Variants in NOX1 observed in about 807,000 individuals in gnomAD.
NOX1 encodes the protein NADPH oxidase 1.
NOX1 carries 34 observed loss-of-function variants against 42.5 expected under a neutral mutation model. That is an observed-to-expected ratio of 0.80 (90% confidence interval 0.61 to 1.07). The LOEUF (loss-of-function observed/expected upper bound fraction) is 1.07. NOX1 is among the 50% of genes least tolerant of loss of function. The pLI, the probability that NOX1 is intolerant of heterozygous loss-of-function variation, is 0.00. For missense variants in NOX1, 408 were observed against 427.0 expected (o/e 0.96, Z 0.39); for synonymous variants, 143 against 152.5 (o/e 0.94, Z 0.46).
intron 2 of NOX1, among the ~76,000 whole-genome samples, chrX:100,868,585 T>C (rs1285820676): frequency 1.8e-5 from 2 of 111,101 alleles, no homozygotes; most frequent in South Asian, 3.9e-4. Flanking sequence ...ACCTGAGCCC[T>C]CCTTTCTGCA....
rs966320470 is a variant in NOX1 at position 100,850,401 on chromosome X, C to T, written c.898-15G>A. ...TGCATAACAACCTGTGAATGAAGCA[C>T]ATAGACCAAAGAAAGCAAACTCTAA... is the stretch of plus-strand genomic sequence containing the variant. On this transcript the variant is annotated splice_polypyrimidine_tract_variant and intron_variant, in intron 8 of 12. Transcript: ENST00000372966. 9 of 1,085,087 alleles carry T rather than the reference C, an allele frequency of 8.3e-6. No individual in the cohort carries two copies. Among genetic ancestry groups the T allele is most frequent in the Non-Finnish European group, 1.1e-5 (9 of 804,855 alleles). 89.4% of individuals were successfully genotyped at this position (1,085,087 alleles called of 1,213,427 possible).
chrX:100,863,495 C>A lies in NOX1; in HGVS notation c.242G>T (p.Gly81Val). The A allele has an allele frequency of 2.5e-6, 3 of 1,210,273 alleles. No individual in the cohort carries two copies. Among genetic ancestry groups the A allele is most frequent in the Non-Finnish European group, 1.1e-6 (1 of 894,946 alleles). ...GTGGTTGGGACTCACTGAGCAGGTG[C>A]CCCTCAGGAAGGACAGCAGATTGCG... is the stretch of plus-strand genomic sequence containing the variant. ...VCRNLLSFLRGTCSFCSRTLR... is the reference protein window; with the variant it reads ...VCRNLLSFLRVTCSFCSRTLR... The change falls in exon 3 of 13, where the codon GGC becomes GTC. Residue 81 changes from glycine (G) to valine (V), a missense_variant. By Grantham distance (109) the Gly-to-Val change is moderately radical. Coordinates refer to ENST00000372966, the MANE Select transcript of NOX1 (RefSeq NM_007052.5).
At chrX:100,862,061 G>A in intron 7 of NOX1, 110 bp downstream of exon 7, 1 of 906,031 alleles carries the variant, frequency 1.1e-6, no homozygotes, top group South Asian at 2.6e-5. Context: ...ATAAGACCCA[G>A]CACAGGACTG....
intron 7 of NOX1, among the ~76,000 whole-genome samples, chrX:100,859,939 G>A (rs1290657645): frequency 9.1e-6 from 1 of 109,777 alleles, no homozygotes; most frequent in Non-Finnish European, 1.9e-5. Flanking sequence ...GGTAATATAT[G>A]TATATGGTAC....
At chrX:100,856,033 C>T (rs945247552) in intron 7 of NOX1, 14 of 1,101,118 alleles carry the variant, frequency 1.3e-5, no homozygotes, top group African/African-American at 7.2e-5. Flanking sequence ...GATGTTCTTC[C>T]GTGTCTTCTT....
chrX:100,847,486 G>A (rs1183572162), intron 12 of NOX1, among the ~76,000 whole-genome samples: 1 of 110,376 alleles, frequency 9.1e-6, no homozygotes, highest in Non-Finnish European at 1.9e-5. Flanking sequence ...TAACCAAGGC[G>A]GGGCTTGGTG....
At chrX:100,872,372 A>G (rs2085280433) in intron 1 of NOX1, among the ~76,000 whole-genome samples, 1 of 112,269 alleles carries the variant, frequency 8.9e-6, no homozygotes, top group Non-Finnish European at 1.9e-5. Flanking sequence ...ATGATGAAAT[A>G]CAGTGATATC....
chrX:100,858,526 G>A (rs1446203397), intron 7 of NOX1, among the ~76,000 whole-genome samples: 1 of 111,413 alleles, frequency 9.0e-6, no homozygotes, highest in African/African-American at 3.3e-5. Context: ...TTGGGCAGTA[G>A]GGCCATTTTA....
At chrX:100,853,292 T>TTCTTTCTCTCTCTTTC (rs2085134141) in intron 7 of NOX1, among the ~76,000 whole-genome samples, 13 of 65,906 alleles carry the variant, frequency 2.0e-4, no homozygotes, top group Non-Finnish European at 2.8e-4. Flanking sequence ...CTTTCTTTCT[T>TTCTTTCTCTCTCTTTC]TCTTTCTTTC....
chrX:100,851,352 G>C, intron 7 of NOX1, 27 bp from the exon 8 acceptor site: 2 of 873,898 alleles, frequency 2.3e-6, no homozygotes, highest in Non-Finnish European at 3.3e-6. Context: ...TTAAGAATGA[G>C]ATTACACACT....
At position 100,843,866 on chromosome X, in the gene NOX1, A is replaced by G; in HGVS notation, c.*86T>C. The G allele has an allele frequency of 1.2e-6, 1 of 831,940 alleles. No individual in the cohort carries two copies. Among genetic ancestry groups the G allele is most frequent in the East Asian group, 3.2e-5 (1 of 31,030 alleles). The allele number at this position is 831,940 out of a possible 1,213,427, so 68.6% of individuals were successfully genotyped here. A position where few individuals can be genotyped will look rare whatever the true frequency, so the allele number is the denominator to read the frequency against. Reference sequence around the variant, plus strand: ...CTTGAGAGGCACATTCTTATCCTAAAGTGACTGCTCAAACCTGACGAGACC... The same window carrying G: ...CTTGAGAGGCACATTCTTATCCTAAGGTGACTGCTCAAACCTGACGAGACC... On this transcript the variant is annotated 3_prime_UTR_variant, in exon 13 of 13. Coordinates refer to ENST00000372966, the MANE Select transcript of NOX1 (RefSeq NM_007052.5).
rs773471149 is a variant in NOX1, at chrX:100,848,756, T to A, written c.1444-2A>T. The A allele has an allele frequency of 1.7e-6, 2 of 1,210,082 alleles. No individual in the cohort carries two copies. The highest frequency in any genetic ancestry group is 2.2e-6 in the Non-Finnish European group (2 of 894,346). On this transcript the variant is annotated splice_acceptor_variant, in intron 11 of 12. Transcript: ENST00000372966. LOFTEE classifies it high-confidence loss of function. The stretch of plus-strand genomic sequence containing the variant: ...AAAGTTTAATGCTGCATGACCAACC[T>A]GGATTCAGAGGAATAAAAGTTAGAA...
At position 100,849,875 on chromosome X, in the gene NOX1, G is replaced by A. The variant is rs1259997206; in HGVS notation, c.1193C>T (p.Ala398Val). Residue 398 changes from alanine (A) to valine (V), a missense_variant, in exon 10 of 13, where the codon GCT becomes GTT. Transcript: ENST00000372966. ...CCCAATTCCTGCTCCAACCAGCACA[G>A]CCACTTCATACTGGAAAACATCCTC... ...ASEDVFQYEV[A>V]VLVGAGIGVT... The A allele has an allele frequency of 8.3e-7, 1 of 1,208,881 alleles. No individual in the cohort carries two copies. Among genetic ancestry groups the A allele is most frequent in the African/African-American group, 1.7e-5 (1 of 57,248 alleles).
In NOX1 at chrX:100,843,856, CTT is replaced by C; in HGVS notation, c.*94_*95del. ...GGAGTCAAGGCTTGAGAGGCACATT[CTT>C]ATCCTAAAGTGACTGCTCAAACCTG... On this transcript the variant is annotated 3_prime_UTR_variant, in exon 13 of 13. Transcript: ENST00000372966. 1.3e-6 allele frequency: 1 copy of C among 740,802 alleles called. No individual in the cohort carries two copies. The highest frequency in any genetic ancestry group is 2.0e-6 in the Non-Finnish European group (1 of 507,921). 61.1% of individuals were successfully genotyped at this position (740,802 alleles called of 1,213,427 possible).
At chrX:100,852,720 C>T (rs1331745957) in intron 7 of NOX1, among the ~76,000 whole-genome samples, 1 of 111,740 alleles carries the variant, frequency 8.9e-6, no homozygotes, top group East Asian at 2.8e-4. Flanking sequence ...ACAAATCAAA[C>T]AGAGTGAACA....
intron 12 of NOX1, among the ~76,000 whole-genome samples, chrX:100,848,373 C>T (rs1256042843): frequency 1.8e-5 from 2 of 111,251 alleles, no homozygotes; most frequent in Non-Finnish European, 3.8e-5. Flanking sequence ...TCATTGCAAC[C>T]TCTGCCTCCC....
intron 12 of NOX1, among the ~76,000 whole-genome samples, chrX:100,847,918 C>T (rs1333485669): frequency 1.8e-5 from 2 of 110,714 alleles, no homozygotes; most frequent in Non-Finnish European, 3.8e-5. Flanking sequence ...TAACATGTCT[C>T]AAAACCCTCC....
chrX:100,845,555 A>C (rs1602378490), intron 12 of NOX1, among the ~76,000 whole-genome samples: 1 of 93,618 alleles, frequency 1.1e-5, no homozygotes, highest in Admixed American at 1.2e-4. Flanking sequence ...ATATATTTTC[A>C]TTTCTCTTGG....
intron 8 of NOX1, among the ~76,000 whole-genome samples, chrX:100,850,954 C>T (rs2085110079): frequency 9.0e-6 from 1 of 111,460 alleles, no homozygotes; most frequent in Non-Finnish European, 1.9e-5. Flanking sequence ...ATTCTCCCGC[C>T]TCAGCCTCCC....
Sources: gnomAD v4.1 joint callset for allele counts (sites outside exome capture counted in the v4.1 genomes callset) on GRCh38, gnomAD v4.1.1 for gene constraint, MANE v1.5 for transcripts, NCBI Gene and HGNC (gene_info 2026-07-23, HGNC 2026-07-21) for gene names.